SPIN1: variants seen among roughly 807,000 people sequenced by gnomAD.
SPIN1 encodes the protein spindlin-1.
SPIN1 carries 3 observed loss-of-function variants against 26.0 expected under a neutral mutation model. The ratio of observed to expected loss-of-function variants is 0.12; its 90% CI spans 0.05 to 0.30. The LOEUF (loss-of-function observed/expected upper bound fraction) is 0.30. SPIN1 is among the 10% of genes least tolerant of loss of function. SPIN1 has a pLI of 1.00. For synonymous variants in SPIN1, 101 were observed against 116.5 expected (o/e 0.87, Z 0.86); for missense variants, 126 against 333.4 (o/e 0.38, Z 4.84).
intron 1 of SPIN1, among the ~76,000 whole-genome samples, chr9:88,395,835 T>C (rs1827040392): frequency 6.6e-6 from 1 of 150,966 alleles, no homozygotes; most frequent in Admixed American, 6.6e-5. Context: ...GATCATGAGG[T>C]CAGGAGTTCA....
At chr9:88,411,402 A>C (rs1020942678) in intron 1 of SPIN1, 42 of 1,593,020 alleles carry the variant, frequency 2.6e-5, no homozygotes, top group Non-Finnish European at 3.3e-5. Context: ...TCAAAGCTCA[A>C]CCCTCCAATG....
chr9:88,435,256 C>T (rs1827977164), intron 2 of SPIN1, among the ~76,000 whole-genome samples: 1 of 151,440 alleles, frequency 6.6e-6, no homozygotes, highest in South Asian at 2.1e-4. Flanking sequence ...CACTCCGTCA[C>T]CCAGGCTGGA....
chr9:88,420,298 C>T (rs1170245230), intron 1 of SPIN1, among the ~76,000 whole-genome samples: 1 of 152,230 alleles, frequency 6.6e-6, no homozygotes, highest in Non-Finnish European at 1.5e-5. Flanking sequence ...TAACTTGAAC[C>T]TGGGAGGCGG....
chr9:88,396,603 G>C (rs919020564), intron 1 of SPIN1, among the ~76,000 whole-genome samples: 12 of 152,012 alleles, frequency 7.9e-5, no homozygotes, highest in African/African-American at 2.7e-4. Context: ...CTCCGTCTCA[G>C]AAAACAAAAC....
rs547537525 is a variant in SPIN1 at position 88,444,401 on chromosome 9, C to T, written c.53-4540C>T. Among the ~76,000 whole-genome samples, 413 of 151,760 alleles carry T rather than the reference C, an allele frequency of 2.7e-3. 3 individuals are homozygous for T. The highest frequency in any genetic ancestry group is 9.3e-3 in the African/African-American group (383 of 41,396). On this transcript the variant is annotated intron_variant, in intron 2 of 5. Transcript: ENST00000375859. ...GACTACAGGCACCTGCCACTATGCC[C>T]GGCTAATTTTTTTTGTATTTTCTAG...
At chr9:88,404,351 C>CAG (rs1340094532) in intron 1 of SPIN1, among the ~76,000 whole-genome samples, 11 of 152,178 alleles carry the variant, frequency 7.2e-5, no homozygotes, top group Middle Eastern at 3.2e-3. Flanking sequence ...TTAGCTTACT[C>CAG]TCCCCTAACC....
At chr9:88,401,361 G>GA (rs199743622) in intron 1 of SPIN1, among the ~76,000 whole-genome samples, 2,936 of 151,850 alleles carry the variant, frequency 0.019, 72 homozygotes, top group African/African-American at 0.063. Context: ...AGGTTGATAG[G>GA]AAAAAAAATT....
intron 1 of SPIN1, among the ~76,000 whole-genome samples, chr9:88,399,838 A>C (rs1327282882): frequency 2.6e-5 from 4 of 152,206 alleles, no homozygotes; most frequent in African/African-American, 4.8e-5. Context: ...CAGGCTTTTA[A>C]ATTTTTAGCT....
intron 3 of SPIN1, chr9:88,457,685 A>G (rs544161743): frequency 4.6e-5 from 12 of 259,170 alleles, no homozygotes; most frequent in Admixed American, 2.0e-4. Flanking sequence ...TTTGAACCTG[A>G]TTTGTATACA....
intron 1 of SPIN1, among the ~76,000 whole-genome samples, chr9:88,409,554 G>A (rs911567361): frequency 2.6e-5 from 4 of 151,758 alleles, no homozygotes; most frequent in South Asian, 4.2e-4. Context: ...GCTACACGAC[G>A]GCCAGGTGCG....
chr9:88,411,239 C>G, intron 1 of SPIN1: 1 of 1,147,886 alleles, frequency 8.7e-7, no homozygotes, highest in East Asian at 2.3e-5. Flanking sequence ...CTTGTGTGGC[C>G]TTGCATTCAT....
intron 1 of SPIN1, chr9:88,415,573 A>T (rs1454464592): frequency 6.6e-6 from 1 of 151,642 alleles, no homozygotes; most frequent in East Asian, 1.9e-4. Flanking sequence ...GCACCACCAC[A>T]CTTGGCTAAT....
At chr9:88,427,613 CT>C (rs758308299) in intron 2 of SPIN1, among the ~76,000 whole-genome samples, 10 of 145,524 alleles carry the variant, frequency 6.9e-5, no homozygotes, top group South Asian at 2.2e-4. Context: ...TCTTTTTTTT[CT>C]TTTTTTTTTG....
chr9:88,470,931 A>G (rs558424051), intron 5 of SPIN1, among the ~76,000 whole-genome samples: 4 of 152,168 alleles, frequency 2.6e-5, no homozygotes, highest in Non-Finnish European at 4.4e-5. Flanking sequence ...TGAAATGTCT[A>G]TTCATATCCC....
intron 3 of SPIN1, among the ~76,000 whole-genome samples, chr9:88,451,704 G>T (rs1828356280): frequency 6.6e-6 from 1 of 152,172 alleles, no homozygotes; most frequent in African/African-American, 2.4e-5. Flanking sequence ...GAGACCACAG[G>T]CGTGCCGCAG....
chr9:88,450,593 C>T (rs1828335973), intron 3 of SPIN1, among the ~76,000 whole-genome samples: 1 of 152,096 alleles, frequency 6.6e-6, no homozygotes, highest in Non-Finnish European at 1.5e-5. Flanking sequence ...AACGAAACAC[C>T]TAAAGTTCGT....
intron 1 of SPIN1, among the ~76,000 whole-genome samples, chr9:88,423,644 G>A (rs184013180): frequency 6.6e-6 from 1 of 151,640 alleles, no homozygotes; most frequent in Admixed American, 6.6e-5. Flanking sequence ...TCGAACTCCT[G>A]GCCTCAGGTG....
At chr9:88,397,510 C>T (rs1827092484) in intron 1 of SPIN1, among the ~76,000 whole-genome samples, 1 of 152,098 alleles carries the variant, frequency 6.6e-6, no homozygotes, top group Non-Finnish European at 1.5e-5. Flanking sequence ...TAGAGTTTGG[C>T]TCAAGCATCA....
intron 1 of SPIN1, among the ~76,000 whole-genome samples, chr9:88,403,154 GT>G (rs1308507885): frequency 3.9e-5 from 6 of 151,918 alleles, no homozygotes; most frequent in Non-Finnish European, 7.4e-5. Flanking sequence ...TTAATTGTTG[GT>G]TATTTGAGCT....
Sources: gnomAD v4.1 joint callset for allele counts (sites outside exome capture counted in the v4.1 genomes callset) on GRCh38, gnomAD v4.1.1 for gene constraint, MANE v1.5 for transcripts, NCBI Gene and HGNC (gene_info 2026-07-23, HGNC 2026-07-21) for gene names.